LMO7: variants seen among roughly 807,000 people sequenced by gnomAD.
LMO7 encodes LIM domain 7.
A neutral mutation model predicts 206.5 loss-of-function variants in LMO7; 120 were observed. That is an observed-to-expected ratio of 0.58 (90% CI 0.50 to 0.68). The LOEUF is 0.68. Among genes scored for constraint, LMO7 ranks in the 30% least tolerant of loss-of-function variants. LMO7 has a pLI of 0.00. For missense variants in LMO7, 1,959 were observed against 1,957.9 expected (o/e 1.00, Z -0.01); for synonymous variants, 706 against 681.5 (o/e 1.04, Z -0.56).
chr13:75,653,959 A>C (rs1017304385), intron 1 of LMO7, among the ~76,000 whole-genome samples: 3 of 152,212 alleles, frequency 2.0e-5, no homozygotes, highest in Admixed American at 6.5e-5. Flanking sequence ...TTGTTTTTGC[A>C]ACCATAGTGG....
intron 4 of LMO7, among the ~76,000 whole-genome samples, chr13:75,787,810 G>A (rs1306308399): frequency 6.6e-6 from 1 of 152,180 alleles, no homozygotes; most frequent in Non-Finnish European, 1.5e-5. Context: ...AGGTGGGAGG[G>A]AAGGAGGTAG....
chr13:75,804,322 T>C lies in LMO7; in HGVS notation c.695T>C (p.Phe232Ser). 1 of 1,613,422 alleles carries C rather than the reference T, an allele frequency of 6.2e-7. No homozygotes were observed. Among genetic ancestry groups the C allele is most frequent in the East Asian group, 2.2e-5 (1 of 44,858 alleles). The change falls in exon 8 of 31, where the codon TTT becomes TCT. Residue 232 changes from phenylalanine (F) to serine (S), a missense_variant. Transcript: ENST00000377534. The stretch of plus-strand genomic sequence containing the variant: ...AGTGACACAGATTCGGAATTTACAT[T>C]TAAGATGCAGGATTATAATAAAGAT... ...FESDTDSEFTFKMQDYNKDDM... is the reference protein window; with the variant it reads ...FESDTDSEFTSKMQDYNKDDM...
chr13:75,665,771 G>A (rs2039024338), intron 1 of LMO7, among the ~76,000 whole-genome samples: 1 of 152,074 alleles, frequency 6.6e-6, no homozygotes, highest in South Asian at 2.1e-4. Context: ...AGGTGATCTG[G>A]CCGCCTTGGC....
rs552236505 is a variant in LMO7, at chr13:75,670,966, C to CTTTTTTTTTT, written c.69+34248_69+34257dup. 9.2e-4 allele frequency among the ~76,000 whole-genome samples: 92 copies of CTTTTTTTTTT among 100,068 alleles called. 1 individual carries two copies. The highest frequency in any genetic ancestry group is 5.0e-3 in the South Asian group (15 of 3,028). The allele number at this position is 100,068 out of a possible 152,430, so 65.6% of individuals were successfully genotyped here. A position where few individuals can be genotyped will look rare whatever the true frequency, so the allele number is the denominator to read the frequency against. Reference sequence around the variant, plus strand: ...TACCTTTTTTTTTTAATGTTTAAAACTTTTTTTTTTTTTTTTTACTATTTA... The same window carrying CTTTTTTTTTT: ...TACCTTTTTTTTTTAATGTTTAAAACTTTTTTTTTTTTTTTTTTTTTTTTTTTACTATTTA... On this transcript the variant is annotated intron_variant, in intron 1 of 30. Coordinates refer to ENST00000377534, the MANE Select transcript of LMO7 (RefSeq NM_001306080.2).
chr13:75,793,425 AC>A (rs1566471963), intron 4 of LMO7, among the ~76,000 whole-genome samples: 2 of 152,002 alleles, frequency 1.3e-5, no homozygotes, highest in Non-Finnish European at 2.9e-5. Context: ...ACAGGCGCCC[AC>A]CACCACGCCT....
chr13:75,719,427 T>G (rs2043834779), intron 2 of LMO7, among the ~76,000 whole-genome samples: 1 of 152,226 alleles, frequency 6.6e-6, no homozygotes, highest in Non-Finnish European at 1.5e-5. Flanking sequence ...TGATATGGTT[T>G]GGCCCTGTGT....
rs1410018269 is a variant in LMO7 at position 75,841,710 on chromosome 13, A to G, written c.3758A>G (p.Glu1253Gly). The part of the protein sequence containing the change: ...SLATWEATWS[E>G]GSKSSDREGT... ...GCCACCTGGGAAGCTACCTGGAGTG[A>G]AGGGTCCAAGTCTTCAGACAGAGAA... The change falls in exon 24 of 31, where the codon GAA (glutamate) becomes GGA (glycine). Residue 1253 changes from glutamate (E) to glycine (G), a missense_variant. Coordinates refer to ENST00000377534, the MANE Select transcript of LMO7 (RefSeq NM_001306080.2). The G allele has an allele frequency of 5.1e-5, 82 of 1,614,010 alleles. No individual in the cohort carries two copies. Among genetic ancestry groups the G allele is most frequent in the Non-Finnish European group, 6.2e-5 (73 of 1,179,990 alleles).
At chr13:75,751,372 G>A (rs1444803510) in intron 3 of LMO7, among the ~76,000 whole-genome samples, 1 of 151,898 alleles carries the variant, frequency 6.6e-6, no homozygotes, top group Non-Finnish European at 1.5e-5. Flanking sequence ...ATGTTAGTTA[G>A]GATGGTTTCG....
At chr13:75,657,854 G>C (rs1227028311) in intron 1 of LMO7, among the ~76,000 whole-genome samples, 1 of 152,044 alleles carries the variant, frequency 6.6e-6, no homozygotes, top group Non-Finnish European at 1.5e-5. Context: ...ATTCTTTCTT[G>C]AACAGATTCT....
chr13:75,725,833 CTTCATAAGCCACTG>C (rs2044422902), intron 2 of LMO7, among the ~76,000 whole-genome samples: 1 of 152,018 alleles, frequency 6.6e-6, no homozygotes, highest in Non-Finnish European at 1.5e-5. Context: ...CAAACTAGAT[CTTCATAAGCCACTG>C]TTTTATAATT....
At chr13:75,625,590 G>A (rs989647756) in intron 2 of LMO7, among the ~76,000 whole-genome samples, 1 of 152,142 alleles carries the variant, frequency 6.6e-6, no homozygotes, top group Non-Finnish European at 1.5e-5. Flanking sequence ...AAAGCCTTAG[G>A]GTCACAGATT....
intron 3 of LMO7, among the ~76,000 whole-genome samples, chr13:75,745,811 C>G (rs1012840351): frequency 2.0e-5 from 3 of 152,174 alleles, no homozygotes; most frequent in Non-Finnish European, 4.4e-5. Context: ...AAGTATAGAG[C>G]CTGCTGCTTT....
At chr13:75,636,754 C>T (rs41286118) in intron 1 of LMO7, 28 bp downstream of exon 1, 59,988 of 1,590,508 alleles carry the variant, frequency 0.038, 1,278 homozygotes, top group East Asian at 0.063. Context: ...CTTTCCCTTC[C>T]GCAGGTGTTG....
At chr13:75,843,149 G>GCT (rs1314594982) in intron 25 of LMO7, among the ~76,000 whole-genome samples, 11 of 152,120 alleles carry the variant, frequency 7.2e-5, no homozygotes, top group African/African-American at 2.7e-4. Flanking sequence ...ATCTCCCTTG[G>GCT]GCAGCCTTTT....
At chr13:75,823,487 T>C (rs936787646) in intron 14 of LMO7, 78 bp from the exon 15 acceptor site, 19 of 1,128,302 alleles carry the variant, frequency 1.7e-5, no homozygotes, top group Admixed American at 1.2e-4. Context: ...TTTTAAAATA[T>C]TAATTTAATA....
At chr13:75,658,081 T>C (rs2038224462) in intron 1 of LMO7, among the ~76,000 whole-genome samples, 1 of 152,056 alleles carries the variant, frequency 6.6e-6, no homozygotes, top group Non-Finnish European at 1.5e-5. Flanking sequence ...TCCCCTTCAG[T>C]TTTCCTAGCA....
exon 2 of LMO7, chr13:75,623,304 G>A (rs1214100333): frequency 7.0e-7 from 1 of 1,435,966 alleles, no homozygotes; most frequent in Admixed American, 1.7e-5. Context: ...AATTCAGGAA[G>A]GACTATTCTC....
intron 11 of LMO7, among the ~76,000 whole-genome samples, chr13:75,813,107 G>T (rs2056601185): frequency 6.6e-6 from 1 of 152,200 alleles, no homozygotes; most frequent in South Asian, 2.1e-4. Context: ...AGACTGCTTG[G>T]CGAGGTTGCT....
chr13:75,640,909 A>G (rs1272105840), intron 1 of LMO7, among the ~76,000 whole-genome samples: 2 of 152,070 alleles, frequency 1.3e-5, no homozygotes, highest in Admixed American at 6.5e-5. Flanking sequence ...TTCTGCCTCA[A>G]CCCTCTTCCC....
Sources: gnomAD v4.1 joint callset for allele counts (sites outside exome capture counted in the v4.1 genomes callset) on GRCh38, gnomAD v4.1.1 for gene constraint, MANE v1.5 for transcripts, NCBI Gene and HGNC (gene_info 2026-07-23, HGNC 2026-07-21) for gene names.